The following STPG2 variants were observed in gnomAD, a reference collection of about 807,000 sequenced individuals.
STPG2 encodes sperm-tail PG-rich repeat-containing protein 2.
In STPG2, 56 loss-of-function variants were observed where a neutral mutation model predicts 54.2. That is an observed-to-expected ratio of 1.03 (90% confidence interval 0.83 to 1.29). The LOEUF (loss-of-function observed/expected upper bound fraction) is 1.29. STPG2 is among the 50% of genes most tolerant of loss of function. The pLI, the probability that STPG2 is intolerant of heterozygous loss-of-function variation, is 0.00. For synonymous variants in STPG2, 200 were observed against 181.8 expected, an observed-to-expected ratio of 1.10 and a Z score of -0.81; for missense variants, 596 against 544.9, an observed-to-expected ratio of 1.09 and a Z score of -0.93.
intron 5 of STPG2, among the ~76,000 whole-genome samples, chr4:98,030,357 A>G (rs6833691): frequency 0.39 from 59,903 of 151,926 alleles, 12,040 homozygotes; most frequent in Middle Eastern, 0.46. Context: ...CAAGTCTCTG[A>G]TGGTGGCAAT....
chr4:97,680,319 G>A (rs958980643), intron 10 of STPG2, among the ~76,000 whole-genome samples: 2 of 151,370 alleles, frequency 1.3e-5, no homozygotes, highest in African/African-American at 4.8e-5. Flanking sequence ...GTGGTTTGTA[G>A]TTCTCCTTGA....
At position 97,748,538 on chromosome 4, in the gene STPG2, T is replaced by C. The variant is rs1052355429; in HGVS notation, c.1205-35724A>G. On this transcript the variant is annotated intron_variant, in intron 9 of 10. Transcript: ENST00000295268. ...AGAACAAAAAGAGAAAGGGAACATA[T>C]CATTTTCCTGACTAAATGTATCAGG... 1.7e-4 allele frequency among the ~76,000 whole-genome samples: 26 copies of C among 151,476 alleles called. 1 individual carries two copies. Among genetic ancestry groups the C allele is most frequent in the African/African-American group, 2.4e-5 (1 of 41,370 alleles).
chr4:98,017,086 A>C (rs1305371323), intron 5 of STPG2, among the ~76,000 whole-genome samples: 1 of 152,130 alleles, frequency 6.6e-6, no homozygotes, highest in African/African-American at 2.4e-5. Flanking sequence ...CTGAGTCTGC[A>C]GGGGCTGGCC....
In STPG2 at chr4:97,898,861, T is replaced by C. The variant is rs114164022; in HGVS notation, c.1044+45036A>G. On this transcript the variant is annotated intron_variant, in intron 8 of 10. Coordinates refer to ENST00000295268, the MANE Select transcript of STPG2 (RefSeq NM_174952.3). ...AATTACATTTTACACATATAAAAATTCAATTATTATTTGTATAATGAAAAT... is the reference window on the plus strand; with the variant it reads ...AATTACATTTTACACATATAAAAATCCAATTATTATTTGTATAATGAAAAT... 5.9e-3 allele frequency among the ~76,000 whole-genome samples: 891 copies of C among 151,822 alleles called. 9 individuals carry two copies. Among genetic ancestry groups the C allele is most frequent in the African/African-American group, 0.021 (852 of 41,502 alleles).
At chr4:98,024,480 A>G (rs1165892136) in intron 5 of STPG2, among the ~76,000 whole-genome samples, 2 of 152,186 alleles carry the variant, frequency 1.3e-5, no homozygotes, top group East Asian at 1.9e-4. Flanking sequence ...AATTAAATCA[A>G]CGAAACACCA....
chr4:97,787,838 G>T (rs999267402), intron 9 of STPG2, among the ~76,000 whole-genome samples: 3 of 151,168 alleles, frequency 2.0e-5, no homozygotes, highest in Non-Finnish European at 3.0e-5. Context: ...GTATCTTGAC[G>T]AATTTAGCTA....
intron 9 of STPG2, among the ~76,000 whole-genome samples, chr4:97,779,094 T>G (rs1726499691): frequency 1.3e-5 from 2 of 152,170 alleles, no homozygotes; most frequent in African/African-American, 4.8e-5. Flanking sequence ...ATGGTTTTGA[T>G]GAGTTGAGAG....
At chr4:98,080,748 G>A (rs1213516354) in intron 5 of STPG2, among the ~76,000 whole-genome samples, 1 of 152,110 alleles carries the variant, frequency 6.6e-6, no homozygotes, top group Non-Finnish European at 1.5e-5. Flanking sequence ...AAGCCATAAT[G>A]CCCATCTTCA....
At chr4:97,892,697 T>C (rs568254495) in intron 8 of STPG2, among the ~76,000 whole-genome samples, 3 of 152,318 alleles carry the variant, frequency 2.0e-5, no homozygotes, top group South Asian at 4.1e-4. Flanking sequence ...TGTTAGGGCA[T>C]GTAGATGCTG....
intron 9 of STPG2, among the ~76,000 whole-genome samples, chr4:97,745,225 A>C (rs1725384366): frequency 6.8e-6 from 1 of 146,848 alleles, no homozygotes; most frequent in Non-Finnish European, 1.5e-5. Context: ...CCTTTCTTTC[A>C]GAAACCATGG....
intron 5 of STPG2, among the ~76,000 whole-genome samples, chr4:98,056,108 G>GC (rs1373570358): frequency 5.8e-4 from 88 of 151,998 alleles, no homozygotes; most frequent in East Asian, 7.8e-4. Flanking sequence ...AGTCTGCTTT[G>GC]CCCCCCCCCA....
chr4:98,001,527 A>G (rs1031582707), intron 5 of STPG2, among the ~76,000 whole-genome samples: 5 of 152,120 alleles, frequency 3.3e-5, no homozygotes, highest in Admixed American at 6.6e-5. Flanking sequence ...CACTTAATGA[A>G]TAATACACAG....
intron 4 of STPG2, among the ~76,000 whole-genome samples, chr4:97,501,308 T>C (rs1730720221): frequency 6.6e-6 from 1 of 152,012 alleles, no homozygotes; most frequent in South Asian, 2.1e-4. Flanking sequence ...AGCTGCTCAT[T>C]TTAAAAATTC....
chr4:98,089,198 C>T (rs1738612635), intron 5 of STPG2, among the ~76,000 whole-genome samples: 2 of 151,960 alleles, frequency 1.3e-5, no homozygotes, highest in South Asian at 2.1e-4. Flanking sequence ...TTATCCATGA[C>T]CCCCCTCCCA....
chr4:97,730,680 T>C (rs1386632988), intron 9 of STPG2, among the ~76,000 whole-genome samples: 3 of 152,218 alleles, frequency 2.0e-5, no homozygotes, highest in Non-Finnish European at 4.4e-5. Context: ...TTGGTCTCTT[T>C]ACAAAATCAC....
chr4:97,456,671 G>A (rs1372193205), intron 4 of STPG2, among the ~76,000 whole-genome samples: 1 of 151,970 alleles, frequency 6.6e-6, no homozygotes, highest in African/African-American at 2.4e-5. Context: ...TGAGGCGGGT[G>A]GATCACGGGG....
At chr4:97,578,336 T>C (rs542592024) in intron 10 of STPG2, among the ~76,000 whole-genome samples, 3 of 152,212 alleles carry the variant, frequency 2.0e-5, no homozygotes, top group Admixed American at 6.6e-5. Flanking sequence ...CTGTTTTCTA[T>C]GACCAAATTA....
chr4:97,460,219 G>A (rs995555876), intron 4 of STPG2, among the ~76,000 whole-genome samples: 4 of 152,158 alleles, frequency 2.6e-5, no homozygotes, highest in African/African-American at 9.6e-5. Context: ...TTCCCCAGAA[G>A]CCCCATTTAA....
intron 5 of STPG2, among the ~76,000 whole-genome samples, chr4:98,037,660 G>A (rs1030615309): frequency 1.3e-5 from 2 of 151,888 alleles, no homozygotes; most frequent in Admixed American, 1.3e-4. Flanking sequence ...ACAATTCAAG[G>A]AAAACACAAA....
Sources: allele counts gnomAD v4.1 joint callset (sites outside exome capture counted in the v4.1 genomes callset), GRCh38; gene constraint gnomAD v4.1.1; transcripts MANE v1.5; gene names NCBI Gene and HGNC (gene_info 2026-07-23, HGNC 2026-07-21).